Variants in VTI1A observed in about 807,000 individuals in gnomAD.
VTI1A encodes the protein vesicle transport through interaction with t-SNAREs 1A.
A neutral mutation model predicts 34.9 loss-of-function variants in VTI1A; 22 were observed. That is an observed-to-expected ratio of 0.63 (90% CI 0.45 to 0.90). VTI1A has a LOEUF of 0.90. VTI1A is among the 40% of genes least tolerant of loss of function. VTI1A has a pLI of 0.00. For synonymous variants in VTI1A, 87 were observed against 97.3 expected (o/e 0.89, Z 0.62); for missense variants, 268 against 275.6 (o/e 0.97, Z 0.20).
intron 7 of VTI1A, among the ~76,000 whole-genome samples, chr10:112,719,816 G>A (rs924482206): frequency 1.3e-5 from 2 of 152,132 alleles, no homozygotes; most frequent in Admixed American, 1.3e-4. Flanking sequence ...AAAGTGCTGC[G>A]ATTACAGGCG....
At chr10:112,633,674 TG>T (rs1386650588) in intron 5 of VTI1A, among the ~76,000 whole-genome samples, 3 of 152,192 alleles carry the variant, frequency 2.0e-5, no homozygotes, top group Non-Finnish European at 4.4e-5. Flanking sequence ...ATTACATAAA[TG>T]TGTCACTGAG....
intron 5 of VTI1A, among the ~76,000 whole-genome samples, chr10:112,663,502 G>A (rs1847537619): frequency 6.6e-6 from 1 of 152,198 alleles, no homozygotes; most frequent in Non-Finnish European, 1.5e-5. Context: ...GTAACTGGAA[G>A]CAGAAGTTCC....
At chr10:112,826,401 A>G in the VTI1A span, 1 of 152,228 alleles carries the variant, frequency 6.6e-6, no homozygotes, top group Admixed American at 6.5e-5. Context: ...TATTCCTCTC[A>G]CTAGGTGCTC....
chr10:112,476,044 C>T (rs1415021843), intron 3 of VTI1A, among the ~76,000 whole-genome samples: 1 of 152,094 alleles, frequency 6.6e-6, no homozygotes, highest in Non-Finnish European at 1.5e-5. Context: ...GTATTTCTGG[C>T]TGTTTATTTT....
intron 7 of VTI1A, among the ~76,000 whole-genome samples, chr10:112,814,954 C>T (rs532365236): frequency 6.6e-6 from 1 of 151,918 alleles, no homozygotes; most frequent in East Asian, 1.9e-4. Context: ...GAAAGAGAAG[C>T]TCGCAAGGGG....
intron 3 of VTI1A, among the ~76,000 whole-genome samples, chr10:112,481,299 A>G (rs1374288076): frequency 6.6e-6 from 1 of 152,204 alleles, no homozygotes; most frequent in Non-Finnish European, 1.5e-5. Flanking sequence ...GAAAACAGAG[A>G]AGCCGCGACT....
intron 3 of VTI1A, among the ~76,000 whole-genome samples, chr10:112,505,641 G>A (rs757649071): frequency 6.6e-6 from 1 of 151,368 alleles, no homozygotes; most frequent in Non-Finnish European, 1.5e-5. Context: ...TATTCCTGTG[G>A]TGCTTACTTC....
At chr10:112,522,655 A>G (rs1850069406) in intron 3 of VTI1A, among the ~76,000 whole-genome samples, 1 of 152,086 alleles carries the variant, frequency 6.6e-6, no homozygotes, top group South Asian at 2.1e-4. Flanking sequence ...TTTGCATCCC[A>G]TGTAAAACTC....
In VTI1A at chr10:112,790,258, C is replaced by T. The variant is rs527689294; in HGVS notation, c.561-25032C>T. Reference sequence around the variant, plus strand: ...CAACCCATAAGGCTTACATCCTCTGCAGTGATCTGTGTGTGGGTTGCAGAG... The same window carrying T: ...CAACCCATAAGGCTTACATCCTCTGTAGTGATCTGTGTGTGGGTTGCAGAG... On this transcript the variant is annotated intron_variant, in intron 7 of 7. Coordinates refer to ENST00000393077, the MANE Select transcript of VTI1A (RefSeq NM_145206.4). Among the ~76,000 whole-genome samples the T allele has an allele frequency of 1.8e-4, 28 of 152,340 alleles. No individual in the cohort carries two copies. In the South Asian group the frequency reaches 4.4e-3, roughly 24 times the overall value.
chr10:112,572,814 G>A (rs1176424953), intron 5 of VTI1A, among the ~76,000 whole-genome samples: 5 of 148,476 alleles, frequency 3.4e-5, no homozygotes, highest in Non-Finnish European at 7.4e-5. Flanking sequence ...ACTCCAGACT[G>A]GGCGACAGAG....
chr10:112,544,628 A>G (rs1002871572), intron 5 of VTI1A, among the ~76,000 whole-genome samples: 1 of 152,016 alleles, frequency 6.6e-6, no homozygotes, highest in Non-Finnish European at 1.5e-5. Flanking sequence ...GCCTCCAGAA[A>G]AAAAAAAAAG....
At position 112,800,131 on chromosome 10, in the gene VTI1A, C is replaced by G. The variant is rs1315850907; in HGVS notation, c.561-15159C>G. Among the ~76,000 whole-genome samples the G allele has an allele frequency of 3.3e-5, 5 of 152,182 alleles. 1 individual carries two copies. ...CTATTAAGTGGTAAGTATCGAATGT[C>G]AGATCTTAGAGGAAAATAAAGCCCA... On this transcript the variant is annotated intron_variant, in intron 7 of 7. Coordinates refer to ENST00000393077, the MANE Select transcript of VTI1A (RefSeq NM_145206.4).
chr10:112,757,565 T>A (rs1178624121), intron 7 of VTI1A, among the ~76,000 whole-genome samples: 1 of 151,926 alleles, frequency 6.6e-6, no homozygotes, highest in Non-Finnish European at 1.5e-5. Context: ...TTTGTATTTT[T>A]TGTAGAGACG....
chr10:112,637,635 G>A (rs1339526351), intron 5 of VTI1A, among the ~76,000 whole-genome samples: 1 of 151,950 alleles, frequency 6.6e-6, no homozygotes, highest in East Asian at 1.9e-4. Flanking sequence ...CTGTAGCCTG[G>A]GTGACAGGGT....
At chr10:112,532,919 T>C (rs1374399069) in intron 4 of VTI1A, among the ~76,000 whole-genome samples, 1 of 152,148 alleles carries the variant, frequency 6.6e-6, no homozygotes, top group Middle Eastern at 3.2e-3. Context: ...TTTGATACTA[T>C]GATCTAAATA....
At chr10:112,833,511 C>T in the VTI1A span, among the ~76,000 whole-genome samples, 1 of 152,226 alleles carries the variant, frequency 6.6e-6, no homozygotes, top group East Asian at 1.9e-4. Context: ...GCTGGATAAC[C>T]TTGGACAAGT....
chr10:112,508,750 G>C (rs1284477021), intron 3 of VTI1A, among the ~76,000 whole-genome samples: 2 of 152,148 alleles, frequency 1.3e-5, no homozygotes, highest in Non-Finnish European at 2.9e-5. Context: ...TATCTTTGAA[G>C]TTTTTATGTT....
chr10:112,697,451 C>G (rs142704152), intron 7 of VTI1A, among the ~76,000 whole-genome samples: 62 of 146,258 alleles, frequency 4.2e-4, no homozygotes, highest in African/African-American at 1.4e-3. Flanking sequence ...CCAGGCAGTA[C>G]AATGGCGCTA....
At chr10:112,533,411 A>G in intron 4 of VTI1A, 1 of 655,348 alleles carries the variant, frequency 1.5e-6, no homozygotes, top group Non-Finnish European at 1.9e-6. Context: ...TGATTTTTAA[A>G]TGCTAAACAT....
Sources: allele counts gnomAD v4.1 joint callset (sites outside exome capture counted in the v4.1 genomes callset), GRCh38; gene constraint gnomAD v4.1.1; transcripts MANE v1.5; gene names NCBI Gene and HGNC (gene_info 2026-07-23, HGNC 2026-07-21).